INSR: variants seen among roughly 807,000 people sequenced by gnomAD.
The protein encoded by INSR is insulin receptor, also known as IR.
Under a neutral mutation model 142.6 loss-of-function variants are expected in INSR, and 67 were observed. That is an observed-to-expected ratio of 0.47 (90% CI 0.39 to 0.58). INSR has a LOEUF of 0.58. Ranked by LOEUF, INSR falls within the 20% of genes least tolerant of loss-of-function variation. The pLI, the probability that INSR is intolerant of heterozygous loss-of-function variation, is 0.00. For missense variants in INSR, 1,248 were observed against 1,833.2 expected (o/e 0.68, Z 5.83); for synonymous variants, 756 against 743.1 (o/e 1.02, Z -0.28).
At chr19:7,169,836 A>G (rs1973973630) in intron 6 of INSR, among the ~76,000 whole-genome samples, 1 of 152,148 alleles carries the variant, frequency 6.6e-6, no homozygotes, top group Non-Finnish European at 1.5e-5. Context: ...CCGGTACTAT[A>G]TGGCACAGTA....
intron 17 of INSR, among the ~76,000 whole-genome samples, chr19:7,123,646 G>C (rs1479198796): frequency 6.6e-6 from 1 of 152,124 alleles, no homozygotes; most frequent in African/African-American, 2.4e-5. Context: ...GAGTCAGCTG[G>C]GGGTGGTGGC....
At position 7,116,687 on chromosome 19, in the gene INSR, G is replaced by A. The variant is rs1201920237; in HGVS notation, c.*369C>T. The A allele has an allele frequency of 1.2e-5, 1 of 86,044 alleles. No homozygotes were observed. The highest frequency in any genetic ancestry group is 5.1e-5 in the African/African-American group (1 of 19,500). 5.3% of individuals were successfully genotyped at this position (86,044 alleles called of 1,614,324 possible). On this transcript the variant is annotated 3_prime_UTR_variant, in exon 22 of 22. Transcript: ENST00000302850. ...AGGAAGTTTTGTCTTTTATACTGAA[G>A]CTCAGACACCAGCAAAAAAAAAAAA...
At chr19:7,273,292 A>G (rs1967975404) in intron 1 of INSR, among the ~76,000 whole-genome samples, 1 of 152,186 alleles carries the variant, frequency 6.6e-6, no homozygotes, top group African/African-American at 2.4e-5. Context: ...AGTGAAAGAC[A>G]ATAGAGCAGT....
chr19:7,148,110 C>T (rs566793082), intron 11 of INSR, among the ~76,000 whole-genome samples: 5 of 151,904 alleles, frequency 3.3e-5, no homozygotes, highest in South Asian at 2.1e-4. Flanking sequence ...GACGGGGTTT[C>T]GCCATGTTGC....
At chr19:7,288,067 A>C (rs1968389691) in intron 1 of INSR, among the ~76,000 whole-genome samples, 1 of 152,068 alleles carries the variant, frequency 6.6e-6, no homozygotes, top group South Asian at 2.1e-4. Flanking sequence ...AATCTATGTA[A>C]ATTTCTTAGC....
intron 13 of INSR, among the ~76,000 whole-genome samples, chr19:7,137,021 C>T (rs1362575611): frequency 2.6e-5 from 4 of 151,786 alleles, no homozygotes; most frequent in East Asian, 3.9e-4. Flanking sequence ...TTAGTAGATA[C>T]GAAGTTTCAC....
intron 6 of INSR, among the ~76,000 whole-genome samples, chr19:7,169,977 A>G (rs56026465): frequency 0.016 from 2,492 of 152,302 alleles, 67 homozygotes; most frequent in African/African-American, 0.057. Context: ...CAGCCACATT[A>G]TCTGGTTTGT....
chr19:7,157,765 C>CT (rs1973635056), intron 9 of INSR, among the ~76,000 whole-genome samples: 1 of 151,740 alleles, frequency 6.6e-6, no homozygotes, highest in East Asian at 1.9e-4. Flanking sequence ...CTGGTGACTG[C>CT]TGAGCAAAGG....
intron 20 of INSR, among the ~76,000 whole-genome samples, chr19:7,120,047 G>C (rs981625516): frequency 7.2e-5 from 11 of 152,204 alleles, no homozygotes; most frequent in African/African-American, 2.4e-4. Flanking sequence ...AAAAAGTCCA[G>C]CTAGGAACTG....
intron 14 of INSR, among the ~76,000 whole-genome samples, chr19:7,129,449 C>T (rs1390496552): frequency 6.6e-6 from 1 of 152,036 alleles, no homozygotes; most frequent in Non-Finnish European, 1.5e-5. Context: ...CTCAGCCTCC[C>T]AAGTAGCTGG....
rs778999102 is a variant in INSR, at chr19:7,184,662, GGAAAT to G, written c.653-30_653-26del. On this transcript the variant is annotated intron_variant, in intron 2 of 21. Transcript: ENST00000302850. ...ACTGGAGAGAGAGAGAGAGAGAGAG[GGAAAT>G]AAATAAATAAATAAATAAATAAATA... The G allele has an allele frequency of 7.6e-4, 742 of 982,210 alleles. 2 individuals are homozygous for G. In the African/African-American group the frequency reaches 0.015, roughly 19 times the overall value. The allele number at this position is 982,210 out of a possible 1,614,324, so 60.8% of individuals were successfully genotyped here. A position where few individuals can be genotyped will look rare whatever the true frequency, so the allele number is the denominator to read the frequency against.
chr19:7,181,017 T>A (rs1974261808), intron 3 of INSR, among the ~76,000 whole-genome samples: 4 of 151,762 alleles, frequency 2.6e-5, no homozygotes. Flanking sequence ...CTCGGCTCAC[T>A]GCGACCTCCA....
Position 7,255,817 on chromosome 19 carries a change from G to A in INSR, c.652+11528C>T, listed in dbSNP as rs184118995. Among the ~76,000 whole-genome samples the A allele has an allele frequency of 5.4e-4, 82 of 152,004 alleles. 1 individual carries two copies. The highest frequency in any genetic ancestry group is 1.2e-3 in the South Asian group (6 of 4,806). ...CTGAGCTCGAATTCTAGGTTCAAGTGATCCTCCTGCCTCGGCCTCCCAAAG... is the reference window on the plus strand; with the variant it reads ...CTGAGCTCGAATTCTAGGTTCAAGTAATCCTCCTGCCTCGGCCTCCCAAAG... On this transcript the variant is annotated intron_variant, in intron 2 of 21. Coordinates refer to ENST00000302850, the MANE Select transcript of INSR (RefSeq NM_000208.4).
intron 2 of INSR, among the ~76,000 whole-genome samples, chr19:7,201,593 C>CACTGGTACT (rs1974954285): frequency 6.6e-6 from 1 of 151,604 alleles, no homozygotes; most frequent in Admixed American, 6.6e-5. Flanking sequence ...CCACTGCACT[C>CACTGGTACT]CAGCCTGGGC....
In INSR at chr19:7,145,924, G is replaced by A. The variant is rs578240500; in HGVS notation, c.2268-2834C>T. ...TTTTAAGAATGATGTTAGCTTGGCT[G>A]TTGGTTTAACCTAGGTAATATTTAT... On this transcript the variant is annotated intron_variant, in intron 11 of 21. Coordinates refer to ENST00000302850, the MANE Select transcript of INSR (RefSeq NM_000208.4). 4.6e-5 allele frequency among the ~76,000 whole-genome samples: 7 copies of A among 152,308 alleles called. No individual in the cohort carries two copies. The South Asian group carries it at 1.5e-3, about 32-fold the overall frequency.
At chr19:7,248,513 G>C (rs1976604392) in intron 2 of INSR, among the ~76,000 whole-genome samples, 1 of 118,718 alleles carries the variant, frequency 8.4e-6, no homozygotes, top group Non-Finnish European at 1.8e-5. Context: ...AAAAAAGCAT[G>C]ACCCTCAACA....
intron 1 of INSR, among the ~76,000 whole-genome samples, chr19:7,276,915 G>T (rs1600123120): frequency 6.6e-6 from 1 of 152,072 alleles, no homozygotes; most frequent in East Asian, 1.9e-4. Flanking sequence ...ATTTTTAGTA[G>T]AGACAGGGTT....
intron 2 of INSR, among the ~76,000 whole-genome samples, chr19:7,185,175 A>C (rs2144992180): frequency 6.6e-6 from 1 of 152,334 alleles, no homozygotes; most frequent in Admixed American, 6.5e-5. Flanking sequence ...AAGCTTTGTT[A>C]ATTTAAAAAC....
intron 3 of INSR, among the ~76,000 whole-genome samples, chr19:7,181,706 A>C (rs1012742923): frequency 4.6e-5 from 7 of 151,882 alleles, no homozygotes; most frequent in Admixed American, 3.3e-4. Context: ...AGTAGCTGGG[A>C]TAACAGGTAT....
Sources: allele counts gnomAD v4.1 joint callset (sites outside exome capture counted in the v4.1 genomes callset), GRCh38; gene constraint gnomAD v4.1.1; transcripts MANE v1.5; gene names NCBI Gene and HGNC (gene_info 2026-07-23, HGNC 2026-07-21).